DOCK4: variants seen among roughly 807,000 people sequenced by gnomAD.
DOCK4 encodes dedicator of cytokinesis protein 4.
DOCK4 carries 97 observed loss-of-function variants against 268.1 expected under a neutral mutation model. That is an observed-to-expected ratio of 0.36 (90% CI 0.31 to 0.43). The LOEUF (loss-of-function observed/expected upper bound fraction) is 0.43. DOCK4 is among the 20% of genes least tolerant of loss of function. The probability of loss-of-function intolerance (pLI) is 1.00; values close to 1 mark genes in which losing one functional copy is unlikely to be tolerated. For synonymous variants in DOCK4, 954 were observed against 887.2 expected (o/e 1.08, Z -1.34); for missense variants, 2,145 against 2,455.7 (o/e 0.87, Z 2.67).
intron 1 of DOCK4, among the ~76,000 whole-genome samples, chr7:112,086,312 C>T (rs925755507): frequency 1.3e-5 from 2 of 152,062 alleles, no homozygotes; most frequent in African/African-American, 2.4e-5. Flanking sequence ...GACCATAAGT[C>T]GTGCACCAGT....
chr7:111,874,368 A>G (rs1244899520), intron 17 of DOCK4, among the ~76,000 whole-genome samples: 1 of 152,096 alleles, frequency 6.6e-6, no homozygotes, highest in Admixed American at 6.5e-5. Context: ...GAGAATGAGG[A>G]CTAGGGCCCA....
At chr7:111,776,477 A>C (rs1798448472) in intron 36 of DOCK4, among the ~76,000 whole-genome samples, 1 of 152,210 alleles carries the variant, frequency 6.6e-6, no homozygotes, top group South Asian at 2.1e-4. Flanking sequence ...CTCAATAGAC[A>C]TTAGTGATCT....
chr7:111,870,323 CTTT>C (rs796444724), intron 20 of DOCK4, among the ~76,000 whole-genome samples: 3 of 131,344 alleles, frequency 2.3e-5, no homozygotes, highest in Non-Finnish European at 3.3e-5. Flanking sequence ...TTTTTCTTTT[CTTT>C]TTTTTTTTTT....
chr7:111,988,979 C>T (rs1409089589), intron 6 of DOCK4, 36 bp downstream of exon 6: 1 of 1,579,704 alleles, frequency 6.3e-7, no homozygotes, highest in Non-Finnish European at 8.6e-7. Context: ...ATTGTGTTCA[C>T]CTACTAGAGG....
At chr7:111,897,646 C>G (rs780396937) in intron 15 of DOCK4, among the ~76,000 whole-genome samples, 2 of 152,120 alleles carry the variant, frequency 1.3e-5, no homozygotes, top group Non-Finnish European at 2.9e-5. Flanking sequence ...CCATGGAAAT[C>G]AGCAAATGCT....
chr7:111,742,558 C>G (rs984253676), intron 44 of DOCK4, among the ~76,000 whole-genome samples: 1 of 460 alleles, frequency 2.2e-3, no homozygotes, highest in Non-Finnish European at 7.5e-3. Context: ...GCACCCTCTC[C>G]CCCCACATTT....
chr7:112,082,487 TGGCAACCCATA>T (rs1224988900), intron 1 of DOCK4, among the ~76,000 whole-genome samples: 1 of 152,164 alleles, frequency 6.6e-6, no homozygotes, highest in Non-Finnish European at 1.5e-5. Context: ...ATAATAGGAT[TGGCAACCCATA>T]GGCACGCTGG....
At chr7:112,190,106 A>G (rs1819815345) in intron 1 of DOCK4, among the ~76,000 whole-genome samples, 1 of 152,208 alleles carries the variant, frequency 6.6e-6, no homozygotes, top group South Asian at 2.1e-4. Context: ...ACAACCTTGT[A>G]TATAAATGTA....
chr7:111,848,902 C>T (rs867383987), intron 23 of DOCK4, among the ~76,000 whole-genome samples: 28 of 152,318 alleles, frequency 1.8e-4, no homozygotes, highest in Middle Eastern at 3.4e-3. Context: ...CACAGGCCAA[C>T]CAGGGACCAT....
intron 16 of DOCK4, among the ~76,000 whole-genome samples, chr7:111,880,436 C>T (rs1364596050): frequency 6.6e-6 from 1 of 152,134 alleles, no homozygotes; most frequent in Non-Finnish European, 1.5e-5. Flanking sequence ...CCAGACTTGT[C>T]CTTCAAGAAA....
chr7:112,036,656 CTTTT>C (rs57264652), intron 1 of DOCK4, among the ~76,000 whole-genome samples: 3 of 106,218 alleles, frequency 2.8e-5, no homozygotes, highest in African/African-American at 3.6e-5. Context: ...TAGAGGATTT[CTTTT>C]TTTTTTTTTT....
intron 1 of DOCK4, among the ~76,000 whole-genome samples, chr7:112,138,470 C>T (rs889301986): frequency 6.6e-6 from 1 of 152,052 alleles, no homozygotes; most frequent in African/African-American, 2.4e-5. Flanking sequence ...GAAGAATGGC[C>T]AAGAAAGTAT....
Position 111,946,465 on chromosome 7 carries a change from C to T in DOCK4, c.702-667G>A, listed in dbSNP as rs192452329. Among the ~76,000 whole-genome samples, 11 of 152,310 alleles carry T rather than the reference C, an allele frequency of 7.2e-5. No individual in the cohort carries two copies. In the East Asian group the frequency reaches 1.5e-3, roughly 21 times the overall value. The stretch of plus-strand genomic sequence containing the variant: ...GCCAGCCTGGGCAACATAGAAACCT[C>T]TCACCTATATAACCAAAAAGAAAAT... On this transcript the variant is annotated intron_variant, in intron 8 of 52. Transcript: ENST00000428084.
chr7:111,962,126 A>G (rs1267390812), intron 8 of DOCK4, among the ~76,000 whole-genome samples: 2 of 152,178 alleles, frequency 1.3e-5, no homozygotes, highest in Non-Finnish European at 2.9e-5. Flanking sequence ...ATTTTAAAGC[A>G]AATCACACCT....
chr7:112,119,330 A>G (rs1812485036), intron 1 of DOCK4, among the ~76,000 whole-genome samples: 1 of 150,786 alleles, frequency 6.6e-6, no homozygotes, highest in Non-Finnish European at 1.5e-5. Context: ...GTAGATCCCC[A>G]CCAGTCCAGG....
chr7:112,204,055 C>T (rs141372617), intron 1 of DOCK4, among the ~76,000 whole-genome samples: 2 of 152,260 alleles, frequency 1.3e-5, no homozygotes, highest in African/African-American at 4.8e-5. Context: ...ATTGTGAGCA[C>T]ACCCTTCTGC....
rs1247018595 is a variant in DOCK4 at position 111,728,166 on chromosome 7, C to T, written c.*108G>A. On this transcript the variant is annotated 3_prime_UTR_variant, in exon 53 of 53. Coordinates refer to ENST00000428084, the MANE Select transcript of DOCK4 (RefSeq NM_001363540.2). ...ATAAGCAAGTTTTAATTCCATTCAT[C>T]GAAGGAGCTGAGTAAGTTATTAAAG... The T allele has an allele frequency of 3.7e-6, 3 of 809,418 alleles. No individual in the cohort carries two copies. Among genetic ancestry groups the T allele is most frequent in the Non-Finnish European group, 5.1e-6 (3 of 586,876 alleles). 50.1% of individuals were successfully genotyped at this position (809,418 alleles called of 1,614,324 possible).
intron 1 of DOCK4, among the ~76,000 whole-genome samples, chr7:112,065,719 T>C (rs1380948582): frequency 1.3e-5 from 2 of 151,996 alleles, no homozygotes; most frequent in African/African-American, 4.8e-5. Flanking sequence ...TAAGGGTAGA[T>C]GACTTCCAAG....
At chr7:111,760,157 T>C (rs2133587357) in intron 40 of DOCK4, 24 bp downstream of exon 40, 1 of 1,613,098 alleles carries the variant, frequency 6.2e-7, no homozygotes, top group South Asian at 1.1e-5. Flanking sequence ...TCTCACTGAG[T>C]CCAGCCCTTG....
Sources: allele counts gnomAD v4.1 joint callset (sites outside exome capture counted in the v4.1 genomes callset), GRCh38; gene constraint gnomAD v4.1.1; transcripts MANE v1.5; gene names NCBI Gene and HGNC (gene_info 2026-07-23, HGNC 2026-07-21).